Variants in RIT2 observed in about 807,000 individuals in gnomAD.
RIT2 encodes the protein Ras like without CAAX 2, also known as GTP-binding protein Rit2.
A neutral mutation model predicts 23.7 loss-of-function variants in RIT2; 24 were observed. The observed-to-expected ratio is 1.01, with a 90% CI of 0.73 to 1.43. RIT2 has a LOEUF of 1.43. RIT2 is among the 40% of genes most tolerant of loss of function. The pLI is 0.00. For missense variants in RIT2, 236 were observed against 266.9 expected (o/e 0.88, Z 0.81); for synonymous variants, 107 against 91.1 (o/e 1.17, Z -0.99).
chr18:42,873,420 T>G (rs1206124299), intron 4 of RIT2, among the ~76,000 whole-genome samples: 2 of 152,150 alleles, frequency 1.3e-5, no homozygotes, highest in African/African-American at 2.4e-5. Context: ...AAAGATTATA[T>G]TTAATAAATG....
intron 2 of RIT2, among the ~76,000 whole-genome samples, chr18:42,994,184 A>C (rs1437075019): frequency 6.6e-6 from 1 of 152,028 alleles, no homozygotes; most frequent in East Asian, 1.9e-4. Flanking sequence ...CTTCGCTTTC[A>C]CTTGGACTGA....
intron 3 of RIT2, among the ~76,000 whole-genome samples, chr18:42,946,440 A>C (rs1471381957): frequency 1.3e-5 from 2 of 152,080 alleles, no homozygotes; most frequent in Non-Finnish European, 2.9e-5. Context: ...CTACACTCTT[A>C]AACCACAGTG....
intron 4 of RIT2, among the ~76,000 whole-genome samples, chr18:42,866,520 C>T (rs1026485496): frequency 3.3e-5 from 5 of 152,028 alleles, no homozygotes; most frequent in African/African-American, 4.8e-5. Flanking sequence ...TCTATTCCCC[C>T]ATTATTCCTA....
chr18:42,916,732 T>A (rs62089941), intron 4 of RIT2, among the ~76,000 whole-genome samples: 1 of 151,992 alleles, frequency 6.6e-6, no homozygotes, highest in Admixed American at 6.6e-5. Context: ...CTGTGCTAGA[T>A]AACCTACTGA....
chr18:42,901,318 C>T (rs193031697), intron 4 of RIT2, among the ~76,000 whole-genome samples: 5 of 151,982 alleles, frequency 3.3e-5, no homozygotes, highest in African/African-American at 4.8e-5. Flanking sequence ...ACTGAACTAG[C>T]GATGATTTTA....
At chr18:43,027,916 A>G (rs977505685) in intron 2 of RIT2, among the ~76,000 whole-genome samples, 5 of 152,002 alleles carry the variant, frequency 3.3e-5, no homozygotes, top group Non-Finnish European at 7.4e-5. Flanking sequence ...ATAACAGGGG[A>G]AAAAAATGTC....
chr18:42,818,974 T>C (rs944948958), intron 4 of RIT2, among the ~76,000 whole-genome samples: 6 of 152,058 alleles, frequency 3.9e-5, no homozygotes, highest in African/African-American at 7.2e-5. Context: ...TTACAAGTGC[T>C]AAATGTTATA....
intron 4 of RIT2, among the ~76,000 whole-genome samples, chr18:42,842,080 T>C (rs920362192): frequency 2.0e-5 from 3 of 152,236 alleles, no homozygotes; most frequent in African/African-American, 7.2e-5. Flanking sequence ...TTATTTGCTG[T>C]AGGCTGATAT....
chr18:42,981,815 C>T (rs147947009), intron 2 of RIT2, among the ~76,000 whole-genome samples: 86 of 152,106 alleles, frequency 5.7e-4, no homozygotes, highest in African/African-American at 2.0e-3. Flanking sequence ...CATAAACACT[C>T]AGGTACATTA....
At chr18:42,934,658 TATC>T (rs575210559) in intron 3 of RIT2, among the ~76,000 whole-genome samples, 62 of 152,334 alleles carry the variant, frequency 4.1e-4, no homozygotes, top group African/African-American at 1.3e-3. Flanking sequence ...CATCATATGA[TATC>T]ATATGCATAC....
intron 1 of RIT2, among the ~76,000 whole-genome samples, chr18:43,101,910 C>G (rs898234727): frequency 1.3e-5 from 2 of 152,032 alleles, no homozygotes; most frequent in African/African-American, 4.8e-5. Flanking sequence ...GAGTGGGTAG[C>G]TAGCTAAACA....
chr18:42,941,349 G>A (rs532350742), intron 3 of RIT2, among the ~76,000 whole-genome samples: 1 of 151,820 alleles, frequency 6.6e-6, no homozygotes. Flanking sequence ...CCTGCTGACC[G>A]CCCCCCACCC....
chr18:42,749,689 T>C (rs920259100), intron 4 of RIT2, among the ~76,000 whole-genome samples: 8 of 151,776 alleles, frequency 5.3e-5, no homozygotes, highest in African/African-American at 1.9e-4. Context: ...ATGATGTTTG[T>C]CCCAATATAT....
intron 1 of RIT2, among the ~76,000 whole-genome samples, chr18:43,057,935 T>G (rs1225760950): frequency 1.3e-5 from 2 of 151,936 alleles, no homozygotes; most frequent in African/African-American, 4.8e-5. Context: ...CATAATAGAA[T>G]TTTGGACTTT....
intron 4 of RIT2, among the ~76,000 whole-genome samples, chr18:42,919,479 C>A (rs764855322): frequency 6.6e-6 from 1 of 151,996 alleles, no homozygotes; most frequent in African/African-American, 2.4e-5. Context: ...TTTGGGCAGC[C>A]GAGGCTGGAG....
intron 3 of RIT2, among the ~76,000 whole-genome samples, chr18:42,932,543 G>A (rs942200417): frequency 2.0e-5 from 3 of 151,972 alleles, no homozygotes; most frequent in Non-Finnish European, 2.9e-5. Flanking sequence ...TCTCTAATGG[G>A]GTCACTTCTC....
intron 4 of RIT2, among the ~76,000 whole-genome samples, chr18:42,830,858 T>C (rs935741052): frequency 2.0e-5 from 3 of 152,198 alleles, no homozygotes; most frequent in Non-Finnish European, 4.4e-5. Context: ...GAATCAAGGC[T>C]GATCAAGGTC....
At chr18:42,831,811 T>TA (rs1186092742) in intron 4 of RIT2, among the ~76,000 whole-genome samples, 1 of 152,198 alleles carries the variant, frequency 6.6e-6, no homozygotes, top group African/African-American at 2.4e-5. Flanking sequence ...GTATCAAACA[T>TA]ACATCTTCAT....
At chr18:43,097,138 A>G (rs879336051) in intron 1 of RIT2, among the ~76,000 whole-genome samples, 6 of 151,906 alleles carry the variant, frequency 3.9e-5, no homozygotes, top group Non-Finnish European at 7.4e-5. Context: ...CTGCTATACA[A>G]TATAATTATA....
Sources: allele counts gnomAD v4.1 joint callset (sites outside exome capture counted in the v4.1 genomes callset), GRCh38; gene constraint gnomAD v4.1.1; transcripts MANE v1.5; gene names NCBI Gene and HGNC (gene_info 2026-07-23, HGNC 2026-07-21).